Variants in AMOTL1 observed in about 807,000 individuals in gnomAD.
AMOTL1 encodes angiomotin-like protein 1.
Under a neutral mutation model 102.9 loss-of-function variants are expected in AMOTL1, and 45 were observed. That is an observed-to-expected ratio of 0.44 (90% CI 0.34 to 0.56). The LOEUF (loss-of-function observed/expected upper bound fraction) is 0.56. AMOTL1 is among the 20% of genes least tolerant of loss of function. The pLI is 0.01. For synonymous variants in AMOTL1, 481 were observed against 484.7 expected (o/e 0.99, Z 0.10); for missense variants, 1,114 against 1,225.6 (o/e 0.91, Z 1.36).
intron 7 of AMOTL1, among the ~76,000 whole-genome samples, chr11:94,850,527 A>G (rs1952513613): frequency 6.6e-6 from 1 of 152,256 alleles, no homozygotes; most frequent in Admixed American, 6.5e-5. Context: ...CCATCGGTTG[A>G]CACGTGTCCT....
At chr11:94,754,705 A>C (rs1273918265) in intron 3 of AMOTL1, among the ~76,000 whole-genome samples, 1 of 152,184 alleles carries the variant, frequency 6.6e-6, no homozygotes, top group Non-Finnish European at 1.5e-5. Context: ...GGGCTCCACT[A>C]AAGGAATTTT....
intron 5 of AMOTL1, among the ~76,000 whole-genome samples, chr11:94,831,082 T>C (rs16921059): frequency 0.22 from 33,958 of 152,124 alleles, 4,439 homozygotes; most frequent in Admixed American, 0.42. Context: ...CTGGCTAAAA[T>C]ATACAGCTGA....
At chr11:94,851,126 C>T (rs778502189) in intron 7 of AMOTL1, among the ~76,000 whole-genome samples, 2 of 152,082 alleles carry the variant, frequency 1.3e-5, no homozygotes, top group Admixed American at 6.5e-5. Context: ...CATAAGGCTC[C>T]GGGGCAACAG....
chr11:94,839,460 A>G (rs1438479398), intron 6 of AMOTL1, among the ~76,000 whole-genome samples: 2 of 152,230 alleles, frequency 1.3e-5, no homozygotes, highest in African/African-American at 4.8e-5. Context: ...ACAGGCTGAT[A>G]ACTGAAGCAG....
At chr11:94,732,885 T>C (rs929859812) in intron 2 of AMOTL1, among the ~76,000 whole-genome samples, 6 of 152,234 alleles carry the variant, frequency 3.9e-5, no homozygotes, top group African/African-American at 1.2e-4. Context: ...GTTCCCATTA[T>C]GGTTATATAA....
intron 12 of AMOTL1, among the ~76,000 whole-genome samples, chr11:94,870,125 A>G (rs1363998621): frequency 6.6e-6 from 1 of 152,150 alleles, no homozygotes; most frequent in African/African-American, 2.4e-5. Context: ...ATGTTCTTAA[A>G]TGGGTAAGGC....
intron 9 of AMOTL1, 44 bp from the exon 10 acceptor site, chr11:94,864,691 C>G: frequency 5.0e-6 from 8 of 1,594,154 alleles, no homozygotes; most frequent in Non-Finnish European, 6.8e-6. Flanking sequence ...TGAGACAAAG[C>G]AAGAAGGTTT....
intron 7 of AMOTL1, among the ~76,000 whole-genome samples, chr11:94,850,531 G>T (rs182320374): frequency 6.6e-6 from 1 of 152,244 alleles, no homozygotes. Flanking sequence ...CGGTTGACAC[G>T]TGTCCTACTC....
At chr11:94,783,424 G>GA (rs1309170974) in intron 1 of AMOTL1, among the ~76,000 whole-genome samples, 1 of 152,200 alleles carries the variant, frequency 6.6e-6, no homozygotes, top group African/African-American at 2.4e-5. Flanking sequence ...CATCATGGCT[G>GA]ATGATAAATT....
intron 2 of AMOTL1, among the ~76,000 whole-genome samples, chr11:94,737,047 T>A (rs891956756): frequency 6.6e-6 from 1 of 152,228 alleles, no homozygotes; most frequent in Admixed American, 6.5e-5. Context: ...ACAAGAGAAA[T>A]GTTTTCTCAT....
chr11:94,756,443 TA>T (rs1950726579), intron 3 of AMOTL1, among the ~76,000 whole-genome samples: 1 of 152,262 alleles, frequency 6.6e-6, no homozygotes, highest in South Asian at 2.1e-4. Flanking sequence ...AATACAAATA[TA>T]AATATAATTA....
intron 3 of AMOTL1, among the ~76,000 whole-genome samples, chr11:94,817,846 T>C (rs1387912905): frequency 2.0e-5 from 3 of 152,230 alleles, no homozygotes; most frequent in Non-Finnish European, 2.9e-5. Flanking sequence ...CATGACTTAA[T>C]TACGTAGACT....
intron 1 of AMOTL1, among the ~76,000 whole-genome samples, chr11:94,788,128 T>C (rs1359367604): frequency 6.6e-6 from 1 of 152,180 alleles, no homozygotes; most frequent in Non-Finnish European, 1.5e-5. Context: ...GGAACAGGGT[T>C]GGCTTCTGTA....
intron 4 of AMOTL1, among the ~76,000 whole-genome samples, chr11:94,825,436 C>T (rs1171141420): frequency 6.6e-6 from 1 of 152,192 alleles, no homozygotes; most frequent in African/African-American, 2.4e-5. Context: ...AGGGCCTTCT[C>T]TGTCCATTTG....
At chr11:94,840,530 C>G (rs903401016) in intron 6 of AMOTL1, among the ~76,000 whole-genome samples, 1 of 151,712 alleles carries the variant, frequency 6.6e-6, no homozygotes, top group Non-Finnish European at 1.5e-5. Context: ...TTCTTCATCC[C>G]TGATCAGTCC....
At chr11:94,757,102 G>A (rs1346974678) in intron 3 of AMOTL1, among the ~76,000 whole-genome samples, 1 of 151,808 alleles carries the variant, frequency 6.6e-6, no homozygotes, top group Non-Finnish European at 1.5e-5. Context: ...CATGTTTCCT[G>A]GATCTGCCCA....
chr11:94,865,205 C>A (rs968656843), intron 10 of AMOTL1, among the ~76,000 whole-genome samples: 4 of 152,066 alleles, frequency 2.6e-5, no homozygotes, highest in African/African-American at 9.7e-5. Flanking sequence ...ACATTATATC[C>A]CAAAGATTCA....
intron 3 of AMOTL1, chr11:94,820,172 C>T (rs1951837954): frequency 6.6e-6 from 1 of 152,140 alleles, no homozygotes; most frequent in African/African-American, 2.4e-5. Flanking sequence ...TTTTAATTTT[C>T]CCGACTTCCC....
In AMOTL1 at chr11:94,830,053, GA is replaced by G; in HGVS notation, c.1422del (p.Glu475AsnfsTer26). ...TAATGCCAGTTCTTTCTTTTAGTTTGAAAAAGAACTTCAGAGAATTTCGGAA... is the reference window on the plus strand; with the variant it reads ...TAATGCCAGTTCTTTCTTTTAGTTTGAAAAGAACTTCAGAGAATTTCGGAA... ...YDNADKLHKF[E>X]KELQRISEAY... On this transcript the variant is annotated frameshift_variant, in exon 5 of 13. Coordinates refer to ENST00000433060, the MANE Select transcript of AMOTL1 (RefSeq NM_130847.3). LOFTEE classifies it high-confidence loss of function. 6.3e-7 allele frequency: 1 copy of G among 1,590,906 alleles called. No homozygotes were observed. Among genetic ancestry groups the G allele is most frequent in the Admixed American group, 1.8e-5 (1 of 54,824 alleles).
Sources: gnomAD v4.1 joint callset for allele counts (sites outside exome capture counted in the v4.1 genomes callset) on GRCh38, gnomAD v4.1.1 for gene constraint, MANE v1.5 for transcripts, NCBI Gene and HGNC (gene_info 2026-07-23, HGNC 2026-07-21) for gene names.